The following ARHGEF1 variants were observed in gnomAD, a reference collection of about 807,000 sequenced individuals.
The protein encoded by ARHGEF1 is Rho guanine nucleotide exchange factor 1, also known as 115 kDa guanine nucleotide exchange factor.
A neutral mutation model predicts 119.7 loss-of-function variants in ARHGEF1; 40 were observed. The ratio of observed to expected loss-of-function variants is 0.33; its 90% CI spans 0.26 to 0.44. The LOEUF (loss-of-function observed/expected upper bound fraction) is 0.44. ARHGEF1 is among the 20% of genes least tolerant of loss of function. The probability of loss-of-function intolerance (pLI) is 1.00; values close to 1 mark genes in which losing one functional copy is unlikely to be tolerated. For synonymous variants in ARHGEF1, 494 were observed against 521.0 expected (o/e 0.95, Z 0.71); for missense variants, 976 against 1,268.3 (o/e 0.77, Z 3.50).
In ARHGEF1 at chr19:41,895,429, G is replaced by A; in HGVS notation, c.958G>A (p.Asp320Asn). ...CCGGAATATCGGGGCTCCTGGGCAG[G>A]ACACCCCTGGAGTCTCTCTGCACCC... The part of the protein sequence containing the change: ...RDRNIGAPGQ[D>N]TPGVSLHPLS... The change falls in exon 12 of 29, where the codon GAC (aspartate) becomes AAC (asparagine). Residue 320 changes from aspartate to asparagine, a missense_variant. Transcript: ENST00000354532. The A allele has an allele frequency of 6.2e-7, 1 of 1,612,656 alleles. No individual in the cohort carries two copies. Among genetic ancestry groups the A allele is most frequent in the Non-Finnish European group, 8.5e-7 (1 of 1,179,612 alleles).
rs1412185772 is a variant in ARHGEF1 at position 41,917,276 on chromosome 19, GTCTC to G, written c.1866-5810_1866-5807del. The stretch of plus-strand genomic sequence containing the variant: ...TCTCTCTCTCTGGGTGCATCTCTCT[GTCTC>G]TCTCTGTCTCTGTCCCTCTCTGTCT... On this transcript the variant is annotated intron_variant, in intron 18 of 20. Transcript: ENST00000599589. This position sits in a 1 kb window ranked among gnomAD's most constrained non-coding sequence, Gnocchi z 4.8. Among the ~76,000 whole-genome samples, 1 of 151,922 alleles carries G rather than the reference GTCTC, an allele frequency of 6.6e-6. No homozygotes were observed. Among genetic ancestry groups the G allele is most frequent in the Non-Finnish European group, 1.5e-5 (1 of 67,974 alleles).
chr19:41,893,551 T>TG (rs2074415805), intron 8 of ARHGEF1, among the ~76,000 whole-genome samples: 1 of 6,848 alleles, frequency 1.5e-4, no homozygotes. Context: ...AGGAGGGGGC[T>TG]GGGGTCCTGG....
At chr19:41,897,828 TG>T in intron 13 of ARHGEF1, 1 of 1,103,800 alleles carries the variant, frequency 9.1e-7, no homozygotes, top group Non-Finnish European at 1.2e-6. Context: ...GTCCCTGCCC[TG>T]GTCTCTCCCC....
At position 41,906,228 on chromosome 19, in the gene ARHGEF1, A is replaced by G; in HGVS notation, c.2491+203A>G. On this transcript the variant is annotated intron_variant, in intron 26 of 28. Transcript: ENST00000354532. The surrounding 1 kb of genome is among the most constrained non-coding windows in gnomAD (Gnocchi z 4.5). ...CCATCCCTTGCTTGATTCTATATTT[A>G]GCCTCTTCCTGAACACATCTCTGTC... is the stretch of plus-strand genomic sequence containing the variant. 2 of 662,236 alleles carry G rather than the reference A, an allele frequency of 3.0e-6. No individual in the cohort carries two copies. The highest frequency in any genetic ancestry group is 5.2e-6 in the Non-Finnish European group (2 of 384,564). The allele number at this position is 662,236 out of a possible 1,614,324, so 41.0% of individuals were successfully genotyped here.
intron 14 of ARHGEF1, among the ~76,000 whole-genome samples, chr19:41,899,634 T>G (rs2123483391): frequency 6.6e-6 from 1 of 151,448 alleles, no homozygotes; most frequent in South Asian, 2.1e-4. Flanking sequence ...CTCAGCCTCC[T>G]GAGTAGCTGG....
At position 41,889,003 on chromosome 19, in the gene ARHGEF1, G is replaced by A. The variant is rs1600645074; in HGVS notation, c.225+138G>A. 1 of 724,860 alleles carries A rather than the reference G, an allele frequency of 1.4e-6. No homozygotes were observed. Among genetic ancestry groups the A allele is most frequent in the East Asian group, 2.7e-5 (1 of 36,462 alleles). The allele number at this position is 724,860 out of a possible 1,614,324, so 44.9% of individuals were successfully genotyped here. On this transcript the variant is annotated intron_variant, in intron 4 of 28. Coordinates refer to ENST00000354532, the MANE Select transcript of ARHGEF1 (RefSeq NM_004706.4). This position sits in a 1 kb window ranked among gnomAD's most constrained non-coding sequence, Gnocchi z 4.0. ...ACACAGAGAGCCAGATCTAGAAAGA[G>A]AGAATGCTTTAGACAAGAGCCAGAA...
chr19:41,905,386 C>T lies in ARHGEF1; in HGVS notation c.2336+125C>T. The T allele has an allele frequency of 2.4e-6, 2 of 828,768 alleles. No individual in the cohort carries two copies. Among genetic ancestry groups the T allele is most frequent in the Non-Finnish European group, 3.8e-6 (2 of 530,534 alleles). 51.3% of individuals were successfully genotyped at this position (828,768 alleles called of 1,614,324 possible). On this transcript the variant is annotated intron_variant, in intron 24 of 28. Transcript: ENST00000354532. This position sits in a 1 kb window ranked among gnomAD's most constrained non-coding sequence, Gnocchi z 6.4. ...GCACATGTGTGAATGCATGTGTGTG[C>T]ATACATGTGTGTCTGTACGCAAGTA... is the stretch of plus-strand genomic sequence containing the variant.
At chr19:41,896,878 C>T (rs1599648003) in intron 13 of ARHGEF1, 1 of 304,348 alleles carries the variant, frequency 3.3e-6, no homozygotes, top group Non-Finnish European at 6.2e-6. Flanking sequence ...CTCCTCTCAC[C>T]TCCCCGCTCC....
Position 41,905,913 on chromosome 19 carries a change from A to G in ARHGEF1, c.2405-26A>G. 6.2e-7 allele frequency: 1 copy of G among 1,613,726 alleles called. No individual in the cohort carries two copies. The highest frequency in any genetic ancestry group is 8.5e-7 in the Non-Finnish European group (1 of 1,179,726). The stretch of plus-strand genomic sequence containing the variant: ...TCCACAGGAGGCCCGGCAGGATCTG[A>G]GCTCCCTCTCTGTTCCCCAATCCAG... On this transcript the variant is annotated intron_variant, in intron 25 of 28. Transcript: ENST00000354532. The surrounding 1 kb of genome is among the most constrained non-coding windows in gnomAD (Gnocchi z 6.4).
chr19:41,915,578 TCTC>T (rs782520542), intron 18 of ARHGEF1, among the ~76,000 whole-genome samples: 19 of 151,870 alleles, frequency 1.3e-4, no homozygotes, highest in African/African-American at 3.6e-4. Flanking sequence ...CATCTCCATA[TCTC>T]CTCCTCCTCA....
intron 18 of ARHGEF1, among the ~76,000 whole-genome samples, chr19:41,913,392 G>T (rs1296636966): frequency 6.6e-6 from 1 of 151,762 alleles, no homozygotes; most frequent in African/African-American, 2.4e-5. Context: ...TCTCTCTCTG[G>T]CTGCCCCAGA....
At chr19:41,909,755 G>C (rs2074741921), downstream of ARHGEF1, 28 of 1,262,992 alleles carry the variant, frequency 2.2e-5, no homozygotes, top group Non-Finnish European at 2.6e-5. This position sits in a 1 kb window ranked among gnomAD's most constrained non-coding sequence, Gnocchi z 5.2. Context: ...GCACAGCCCT[G>C]TGCCTTGTGG....
At chr19:41,911,578 CG>C (rs147382245), downstream of ARHGEF1, among the ~76,000 whole-genome samples, 4,085 of 152,250 alleles carry the variant, frequency 0.027, 186 homozygotes, top group African/African-American at 0.093. Context: ...GCCTGAAGGC[CG>C]GGGAGCTCCA....
chr19:41,899,885 T>C (rs1400008019), intron 14 of ARHGEF1, among the ~76,000 whole-genome samples: 1 of 150,712 alleles, frequency 6.6e-6, no homozygotes, highest in Non-Finnish European at 1.5e-5. Context: ...AGTAGTTGAG[T>C]ACTTTTTGGG....
chr19:41,909,405 G>A, downstream of ARHGEF1: 1 of 1,237,676 alleles, frequency 8.1e-7, no homozygotes, highest in Non-Finnish European at 1.0e-6. This position sits in a 1 kb window ranked among gnomAD's most constrained non-coding sequence, Gnocchi z 5.2. Flanking sequence ...CGACTTTGCT[G>A]AAGTTGAACT....
upstream of ARHGEF1, chr19:41,922,953 C>T: frequency 2.8e-6 from 1 of 357,564 alleles, no homozygotes; most frequent in South Asian, 2.1e-5. Flanking sequence ...CATTCTCCAC[C>T]CTGCACACAC....
At position 41,904,815 on chromosome 19, in the gene ARHGEF1, CAGTGA is replaced by C. The variant is rs1395643795; in HGVS notation, c.2162-133_2162-129del. Reference sequence around the variant, plus strand: ...ACATCGGGCCCTGGATATTAGCAGACAGTGAGTGGTGAGTTGAGCCATGGGAGCCC... The same window carrying C: ...ACATCGGGCCCTGGATATTAGCAGACGTGGTGAGTTGAGCCATGGGAGCCC... On this transcript the variant is annotated intron_variant, in intron 22 of 28. Coordinates refer to ENST00000354532, the MANE Select transcript of ARHGEF1 (RefSeq NM_004706.4). This position sits in a 1 kb window ranked among gnomAD's most constrained non-coding sequence, Gnocchi z 8.4. 2.8e-6 allele frequency: 2 copies of C among 715,490 alleles called. No individual in the cohort carries two copies. Among genetic ancestry groups the C allele is most frequent in the Non-Finnish European group, 4.9e-6 (2 of 407,130 alleles). The allele number at this position is 715,490 out of a possible 1,614,324, so 44.3% of individuals were successfully genotyped here.
Position 41,916,026 on chromosome 19 carries a change from G to A in ARHGEF1, c.1866-7066G>A, listed in dbSNP as rs188698583. On this transcript the variant is annotated intron_variant, in intron 18 of 20. Coordinates refer to the ARHGEF1 transcript ENST00000599589. This position sits in a 1 kb window ranked among gnomAD's most constrained non-coding sequence, Gnocchi z 5.4. ...ATTTTGCTTCCTCCACCCCCCCTTC[G>A]CCCCCCATCTCTACCGCCCGCAGCC... 7.2e-5 allele frequency among the ~76,000 whole-genome samples: 9 copies of A among 125,826 alleles called. No homozygotes were observed. The highest frequency in any genetic ancestry group is 1.5e-4 in the African/African-American group (5 of 32,596). The allele number at this position is 125,826 out of a possible 152,430, so 82.5% of individuals were successfully genotyped here.
chr19:41,897,991 C>T (rs1215661203), intron 13 of ARHGEF1: 32 of 1,322,498 alleles, frequency 2.4e-5, no homozygotes, highest in Non-Finnish European at 2.8e-5. Context: ...GGGTGAGTGA[C>T]CGCCGCCGGC....
Sources: allele counts gnomAD v4.1 joint callset (sites outside exome capture counted in the v4.1 genomes callset), GRCh38; gene constraint gnomAD v4.1.1; non-coding constraint Gnocchi (gnomAD v3.1); transcripts MANE v1.5; gene names NCBI Gene and HGNC (gene_info 2026-07-23, HGNC 2026-07-21).